RPS6KC1: variants seen among roughly 807,000 people sequenced by gnomAD.
RPS6KC1 encodes the protein ribosomal protein S6 kinase C1, also known as inactive ribosomal protein S6 kinase delta-1.
In RPS6KC1, 54 loss-of-function variants were observed where a neutral mutation model predicts 103.8. That is an observed-to-expected ratio of 0.52 (90% CI 0.42 to 0.65). RPS6KC1 has a LOEUF of 0.65. Among genes scored for constraint, RPS6KC1 ranks in the 30% least tolerant of loss-of-function variants. The pLI is 0.00. For synonymous variants in RPS6KC1, 439 were observed against 438.7 expected, an observed-to-expected ratio of 1.00 and a Z score of -0.01; for missense variants, 1,151 against 1,253.8, an observed-to-expected ratio of 0.92 and a Z score of 1.24.
the RPS6KC1 span, among the ~76,000 whole-genome samples, chr1:213,721,913 G>A: frequency 6.6e-6 from 1 of 152,144 alleles, no homozygotes; most frequent in African/African-American, 2.4e-5. Context: ...ACCTGAGACT[G>A]TACCCTGCCT....
chr1:213,146,617 G>A (rs886718904), intron 6 of RPS6KC1, among the ~76,000 whole-genome samples: 1 of 151,758 alleles, frequency 6.6e-6, no homozygotes. Context: ...AGTAGAGACG[G>A]GGTTTCTCTG....
the RPS6KC1 span, among the ~76,000 whole-genome samples, chr1:213,720,266 G>A: frequency 6.6e-6 from 1 of 152,202 alleles, no homozygotes; most frequent in Non-Finnish European, 1.5e-5. Context: ...AGAGGTCTGG[G>A]AGTGTTTAAG....
intron 14 of RPS6KC1, among the ~76,000 whole-genome samples, chr1:213,272,168 G>C (rs188867563): frequency 2.4e-4 from 37 of 152,264 alleles, no homozygotes; most frequent in Admixed American, 1.9e-3. Flanking sequence ...GAAGTAACTG[G>C]CTATCTCAGA....
At chr1:213,588,373 A>C in the RPS6KC1 span, among the ~76,000 whole-genome samples, 2 of 146,544 alleles carry the variant, frequency 1.4e-5, no homozygotes, top group African/African-American at 2.5e-5. Context: ...AGCTCACTGC[A>C]CTCCAAGCTA....
intron 3 of RPS6KC1, among the ~76,000 whole-genome samples, chr1:213,097,399 A>C (rs2081564146): frequency 1.3e-5 from 2 of 152,216 alleles, no homozygotes; most frequent in South Asian, 4.1e-4. Context: ...ATAGATCTCA[A>C]CAGTGGTCTT....
chr1:213,150,790 G>A (rs573107789), intron 6 of RPS6KC1, among the ~76,000 whole-genome samples: 6 of 152,290 alleles, frequency 3.9e-5, no homozygotes, highest in African/African-American at 1.2e-4. Flanking sequence ...CCACAAAGCC[G>A]CCATTGTCAT....
intron 10 of RPS6KC1, among the ~76,000 whole-genome samples, chr1:213,240,397 G>A (rs1319887187): frequency 6.6e-6 from 1 of 151,930 alleles, no homozygotes; most frequent in Non-Finnish European, 1.5e-5. Flanking sequence ...TTTAACTTTA[G>A]AGTAGAATTT....
the RPS6KC1 span, among the ~76,000 whole-genome samples, chr1:213,552,141 A>G: frequency 6.6e-6 from 1 of 152,230 alleles, no homozygotes; most frequent in African/African-American, 2.4e-5. Context: ...TTTGTCAATT[A>G]TGAATAAACC....
the RPS6KC1 span, among the ~76,000 whole-genome samples, chr1:213,757,303 A>ATT: frequency 3.1e-4 from 47 of 152,354 alleles, no homozygotes; most frequent in African/African-American, 1.1e-3. Context: ...TGAATACAAA[A>ATT]GAAAATTTCT....
the RPS6KC1 span, among the ~76,000 whole-genome samples, chr1:213,691,777 G>A: frequency 1.3e-5 from 2 of 152,100 alleles, no homozygotes; most frequent in South Asian, 2.1e-4. Context: ...TGCACGGGAA[G>A]GAATCGTTCC....
intron 2 of RPS6KC1, among the ~76,000 whole-genome samples, chr1:213,075,335 C>T (rs972514103): frequency 4.6e-5 from 7 of 151,966 alleles, no homozygotes; most frequent in Non-Finnish European, 7.4e-5. Flanking sequence ...TTGGCAATGT[C>T]GTATGATTGT....
the RPS6KC1 span, among the ~76,000 whole-genome samples, chr1:213,491,450 A>G: frequency 1.3e-5 from 2 of 152,134 alleles, no homozygotes; most frequent in African/African-American, 2.4e-5. Context: ...ATGGAGGGTG[A>G]GGTGGGAGGA....
chr1:213,601,032 A>G, the RPS6KC1 span, among the ~76,000 whole-genome samples: 1 of 152,228 alleles, frequency 6.6e-6, no homozygotes, highest in African/African-American at 2.4e-5. Context: ...GAAAGAAGTT[A>G]CTAGGCAAGA....
the RPS6KC1 span, among the ~76,000 whole-genome samples, chr1:213,854,566 C>T: frequency 0.071 from 4,356 of 61,178 alleles, 68 homozygotes; most frequent in South Asian, 0.12. Flanking sequence ...CTTTCTTTCT[C>T]TCTCTCTCTC....
intron 7 of RPS6KC1, among the ~76,000 whole-genome samples, chr1:213,172,439 CAAAAAATA>C (rs983291774): frequency 3.9e-5 from 6 of 151,944 alleles, no homozygotes; most frequent in African/African-American, 7.2e-5. Flanking sequence ...ACTAAAAATA[CAAAAAATA>C]AAAAAATAAA....
At chr1:213,258,261 G>A (rs537510714) in intron 12 of RPS6KC1, among the ~76,000 whole-genome samples, 16 of 152,194 alleles carry the variant, frequency 1.1e-4, no homozygotes, top group Admixed American at 4.6e-4. Context: ...ATGAGCCACC[G>A]CACTGGCCCA....
intron 8 of RPS6KC1, among the ~76,000 whole-genome samples, chr1:213,226,966 T>A (rs1447968339): frequency 1.3e-5 from 2 of 152,228 alleles, no homozygotes; most frequent in Non-Finnish European, 2.9e-5. Flanking sequence ...CAGACTACCC[T>A]CTACCACTTA....
At chr1:213,648,696 A>G in the RPS6KC1 span, among the ~76,000 whole-genome samples, 1 of 151,852 alleles carries the variant, frequency 6.6e-6, no homozygotes, top group Non-Finnish European at 1.5e-5. Flanking sequence ...GGGATGGGCC[A>G]TCTCCTGACT....
At chr1:213,618,939 T>G in the RPS6KC1 span, among the ~76,000 whole-genome samples, 1 of 152,242 alleles carries the variant, frequency 6.6e-6, no homozygotes, top group Middle Eastern at 3.4e-3. Flanking sequence ...AATCACAGAA[T>G]AATGTGGGGA....
Sources: gnomAD v4.1 joint callset for allele counts (sites outside exome capture counted in the v4.1 genomes callset) on GRCh38, gnomAD v4.1.1 for gene constraint, MANE v1.5 for transcripts, NCBI Gene and HGNC (gene_info 2026-07-23, HGNC 2026-07-21) for gene names.